Variants in FAM171A1 observed in about 807,000 individuals in gnomAD.
FAM171A1 encodes the protein family with sequence similarity 171 member A1.
In FAM171A1, 23 loss-of-function variants were observed where a neutral mutation model predicts 74.9. That is an observed-to-expected ratio of 0.31 (90% CI 0.22 to 0.44). The LOEUF is 0.44. Ranked by LOEUF, FAM171A1 falls within the 20% of genes least tolerant of loss-of-function variation. The pLI is 1.00. For synonymous variants in FAM171A1, 527 were observed against 505.7 expected, an observed-to-expected ratio of 1.04 and a Z score of -0.57; for missense variants, 1,162 against 1,159.2, an observed-to-expected ratio of 1.00 and a Z score of -0.03.
intron 1 of FAM171A1, among the ~76,000 whole-genome samples, chr10:15,350,119 G>C (rs559063939): frequency 6.6e-6 from 1 of 152,156 alleles, no homozygotes; most frequent in South Asian, 2.1e-4. Flanking sequence ...TGAGACCTGA[G>C]TTCACTAGCA....
chr10:15,316,281 A>G (rs1198314675), intron 1 of FAM171A1, among the ~76,000 whole-genome samples: 2 of 152,162 alleles, frequency 1.3e-5, no homozygotes, highest in East Asian at 3.9e-4. Flanking sequence ...TTCTGTTTAG[A>G]GTGTCAGGCT....
intron 3 of FAM171A1, among the ~76,000 whole-genome samples, chr10:15,266,744 C>T (rs777232543): frequency 3.3e-5 from 5 of 151,666 alleles, no homozygotes; most frequent in African/African-American, 4.8e-5. Context: ...TGGTATGTGC[C>T]TGTGGTAACA....
intron 1 of FAM171A1, among the ~76,000 whole-genome samples, chr10:15,322,480 C>A (rs139878799): frequency 2.6e-4 from 39 of 152,356 alleles, no homozygotes; most frequent in African/African-American, 8.7e-4. Flanking sequence ...TGAACTGTAG[C>A]AGCAGCTAGG....
intron 1 of FAM171A1, among the ~76,000 whole-genome samples, chr10:15,348,542 G>T (rs1835842738): frequency 6.6e-6 from 1 of 152,188 alleles, no homozygotes; most frequent in African/African-American, 2.4e-5. Flanking sequence ...ACCCCTTGCA[G>T]TCACCAGGGT....
At chr10:15,283,808 C>T (rs1344560031) in intron 2 of FAM171A1, 70 bp downstream of exon 2, 1 of 1,503,806 alleles carries the variant, frequency 6.6e-7, no homozygotes, top group African/African-American at 1.4e-5. Context: ...TGGTTTCAGA[C>T]TCCTGGCCTT....
intron 5 of FAM171A1, among the ~76,000 whole-genome samples, chr10:15,226,894 G>A (rs1188240042): frequency 6.6e-6 from 1 of 151,936 alleles, no homozygotes; most frequent in Non-Finnish European, 1.5e-5. Context: ...CTTCCCACCT[G>A]GAGCTGTATG....
intron 1 of FAM171A1, among the ~76,000 whole-genome samples, chr10:15,317,444 G>T (rs1835435836): frequency 6.6e-6 from 1 of 152,138 alleles, no homozygotes; most frequent in African/African-American, 2.4e-5. Flanking sequence ...TGCCCAGACT[G>T]GAGTGTAGTG....
At position 15,337,773 on chromosome 10, in the gene FAM171A1, AC is replaced by A. The variant is rs377535360; in HGVS notation, c.97+33182del. Among the ~76,000 whole-genome samples the A allele has an allele frequency of 7.1e-4, 108 of 152,106 alleles. 1 individual carries two copies. Among genetic ancestry groups the A allele is most frequent in the African/African-American group, 2.5e-3 (104 of 41,504 alleles). ...AGAACAGCCTGGCCAACGCGGTAAA[AC>A]CCCGACTCTACTAAAAAAATACAAA... is the stretch of plus-strand genomic sequence containing the variant. On this transcript the variant is annotated intron_variant, in intron 1 of 7. Transcript: ENST00000378116.
At chr10:15,248,340 G>C (rs1834461017) in intron 5 of FAM171A1, among the ~76,000 whole-genome samples, 1 of 152,044 alleles carries the variant, frequency 6.6e-6, no homozygotes, top group African/African-American at 2.4e-5. Flanking sequence ...TGAATAAAAG[G>C]ATGAAGATTA....
intron 1 of FAM171A1, among the ~76,000 whole-genome samples, chr10:15,290,580 C>T (rs1835091222): frequency 6.6e-6 from 1 of 152,144 alleles, no homozygotes; most frequent in African/African-American, 2.4e-5. Context: ...GACCCCTGAC[C>T]CTCAGGAGCT....
intron 4 of FAM171A1, 36 bp downstream of exon 4, chr10:15,254,685 G>C (rs1345555681): frequency 6.2e-7 from 1 of 1,604,736 alleles, no homozygotes; most frequent in East Asian, 2.2e-5. Flanking sequence ...CTAAAACACA[G>C]TAACTCCCAC....
At chr10:15,259,450 CA>C (rs898189029) in intron 3 of FAM171A1, among the ~76,000 whole-genome samples, 1 of 151,590 alleles carries the variant, frequency 6.6e-6, no homozygotes, top group East Asian at 1.9e-4. Context: ...ACAATGATGA[CA>C]AAAAAAACAA....
chr10:15,261,983 C>T (rs1293535593), intron 3 of FAM171A1, among the ~76,000 whole-genome samples: 4 of 152,128 alleles, frequency 2.6e-5, no homozygotes, highest in Non-Finnish European at 5.9e-5. Flanking sequence ...GGTGTGGTGG[C>T]GCATGCCTGA....
intron 5 of FAM171A1, among the ~76,000 whole-genome samples, chr10:15,246,719 C>T (rs1834439637): frequency 2.6e-5 from 4 of 152,308 alleles, no homozygotes; most frequent in Middle Eastern, 3.4e-3. Flanking sequence ...GATAGGGTTT[C>T]ACCATGTTGG....
rs1245807105 is a variant in FAM171A1, at chr10:15,371,046, T to C, written c.7A>G (p.Arg3Gly). The C allele has an allele frequency of 9.0e-7, 1 of 1,115,250 alleles. No individual in the cohort carries two copies. Among genetic ancestry groups the C allele is most frequent in the Non-Finnish European group, 1.1e-6 (1 of 896,434 alleles). 69.1% of individuals were successfully genotyped at this position (1,115,250 alleles called of 1,614,324 possible). The change falls in exon 1 of 8, where the codon AGG becomes GGG. Residue 3 changes from arginine (R) to glycine (G), a missense_variant. Transcript: ENST00000378116. ...AGGCACAGCAGCAGCGTCGCGGACC[T>C]GCTCATCTCCGCCGCGGGGCCGGCG... MSRSATLLLCLLG... is the reference protein window; with the variant it reads MSGSATLLLCLLG...
At chr10:15,337,456 G>C (rs1835714211) in intron 1 of FAM171A1, among the ~76,000 whole-genome samples, 1 of 152,158 alleles carries the variant, frequency 6.6e-6, no homozygotes, top group Non-Finnish European at 1.5e-5. Context: ...AAGCAGTAGG[G>C]GCCGGGTGCG....
At chr10:15,325,863 A>C (rs1453977117) in intron 1 of FAM171A1, among the ~76,000 whole-genome samples, 1 of 152,184 alleles carries the variant, frequency 6.6e-6, no homozygotes, top group Non-Finnish European at 1.5e-5. Context: ...CATAGGAAGT[A>C]AAAAGAAAGG....
intron 1 of FAM171A1, among the ~76,000 whole-genome samples, chr10:15,336,562 C>T (rs1289460701): frequency 6.6e-6 from 1 of 152,022 alleles, no homozygotes. Flanking sequence ...ATTAATATTT[C>T]TGAAATGGGG....
intron 3 of FAM171A1, among the ~76,000 whole-genome samples, chr10:15,256,342 C>A (rs542495505): frequency 2.6e-5 from 4 of 152,298 alleles, no homozygotes; most frequent in Admixed American, 2.6e-4. Flanking sequence ...CACTGAGGTC[C>A]AAAGGACTTA....
Sources: allele counts gnomAD v4.1 joint callset (sites outside exome capture counted in the v4.1 genomes callset), GRCh38; gene constraint gnomAD v4.1.1; transcripts MANE v1.5; gene names NCBI Gene and HGNC (gene_info 2026-07-23, HGNC 2026-07-21).